TIAM2: variants seen among roughly 807,000 people sequenced by gnomAD.
TIAM2 encodes rho guanine nucleotide exchange factor TIAM2.
A neutral mutation model predicts 152.9 loss-of-function variants in TIAM2; 80 were observed. The ratio of observed to expected loss-of-function variants is 0.52; its 90% CI spans 0.44 to 0.63. The LOEUF is 0.63. TIAM2 is among the 30% of genes least tolerant of loss of function. The pLI is 0.00. For missense variants in TIAM2, 1,965 were observed against 2,120.1 expected (o/e 0.93, Z 1.44); for synonymous variants, 804 against 838.0 (o/e 0.96, Z 0.70).
intron 1 of TIAM2, among the ~76,000 whole-genome samples, chr6:155,003,764 C>T (rs866683521): frequency 2.0e-5 from 3 of 152,198 alleles, no homozygotes; most frequent in African/African-American, 7.2e-5. Flanking sequence ...GCTACCACCG[C>T]AGCTGCCACG....
rs1346130271 is a variant in TIAM2 at position 155,027,966 on chromosome 6, TATATA to T, written c.-209+32480_-209+32484del. On this transcript the variant is annotated intron_variant, in intron 1 of 26. Transcript: ENST00000682666. ...TATGTACTGTGTTACATATATACTA[TATATA>T]ATATATGTACTGTGTTACATATATA... Among the ~76,000 whole-genome samples the T allele has an allele frequency of 4.9e-4, 61 of 125,392 alleles. 1 individual carries two copies. The highest frequency in any genetic ancestry group is 3.9e-3 in the East Asian group (18 of 4,640). The allele number at this position is 125,392 out of a possible 152,430, so 82.3% of individuals were successfully genotyped here. A position where few individuals can be genotyped will look rare whatever the true frequency, so the allele number is the denominator to read the frequency against.
Position 155,248,088 on chromosome 6 carries a change from G to A in TIAM2, c.3741G>A (p.Lys1247=). ...CCACGCTGGAGTCCTACCTCATCAA[G>A]CCGGTTCAGAGAGTGCTCAAGTACC... ...HSSTLESYLI[K]PVQRVLKYPL... The change falls in exon 20 of 27, where the codon AAG becomes AAA. Residue 1247 remains lysine, a synonymous_variant. Transcript: ENST00000682666. 6.2e-7 allele frequency: 1 copy of A among 1,614,228 alleles called. No individual in the cohort carries two copies. The highest frequency in any genetic ancestry group is 8.5e-7 in the Non-Finnish European group (1 of 1,180,048).
chr6:155,253,824 T>A, intron 24 of TIAM2, 149 bp from the exon 25 acceptor site: 1 of 588,594 alleles, frequency 1.7e-6, no homozygotes. Flanking sequence ...ACTGTGAAAA[T>A]CATACATAGA....
At position 155,218,377 on chromosome 6, in the gene TIAM2, G is replaced by A. The variant is rs569800634; in HGVS notation, c.3168+7070G>A. Among the ~76,000 whole-genome samples the A allele has an allele frequency of 7.2e-5, 11 of 152,320 alleles. No individual in the cohort carries two copies. Among genetic ancestry groups the A allele is most frequent in the African/African-American group, 2.6e-4 (11 of 41,574 alleles). ...ATCTGTCACAAAGACCTAATTCCAG[G>A]TAGCCCTTTCTTGGAGGCAGTGGTA... On this transcript the variant is annotated intron_variant, in intron 15 of 26. Coordinates refer to ENST00000682666, the MANE Select transcript of TIAM2 (RefSeq NM_012454.4). This position sits in a 1 kb window ranked among gnomAD's most constrained non-coding sequence, Gnocchi z 4.5.
intron 1 of TIAM2, among the ~76,000 whole-genome samples, chr6:155,035,395 AT>A (rs1395593947): frequency 2.6e-5 from 4 of 151,680 alleles, no homozygotes; most frequent in Admixed American, 6.6e-5. Context: ...TAATTTTTGT[AT>A]TTTTAGTAGA....
intron 1 of TIAM2, among the ~76,000 whole-genome samples, chr6:155,050,754 T>G (rs878927066): frequency 2.0e-5 from 3 of 152,226 alleles, no homozygotes; most frequent in Admixed American, 2.0e-4. Context: ...TAAGCCTTTC[T>G]GCTTTTACAG....
intron 2 of TIAM2, among the ~76,000 whole-genome samples, chr6:155,106,904 A>G (rs534820914): frequency 9.8e-5 from 15 of 152,350 alleles, no homozygotes; most frequent in African/African-American, 3.6e-4. Flanking sequence ...AGTCTGCATC[A>G]TACTGTTCCA....
At chr6:155,141,968 G>A (rs1779717414) in intron 5 of TIAM2, among the ~76,000 whole-genome samples, 1 of 152,118 alleles carries the variant, frequency 6.6e-6, no homozygotes, top group African/African-American at 2.4e-5. Context: ...TAGCAAGAAC[G>A]TCCAGTGTCA....
chr6:155,109,915 G>A (rs1778794531), intron 2 of TIAM2, among the ~76,000 whole-genome samples: 1 of 150,122 alleles, frequency 6.7e-6, no homozygotes, highest in African/African-American at 2.5e-5. Flanking sequence ...GCATACACAT[G>A]TGTGCAAATA....
intron 14 of TIAM2, among the ~76,000 whole-genome samples, chr6:155,189,672 A>G (rs570372368): frequency 6.6e-6 from 1 of 152,200 alleles, no homozygotes; most frequent in African/African-American, 2.4e-5. Flanking sequence ...ATTATTTCAT[A>G]CTCTCAAGAA....
intron 1 of TIAM2, among the ~76,000 whole-genome samples, chr6:155,050,874 A>G (rs188506362): frequency 3.9e-5 from 6 of 152,274 alleles, no homozygotes; most frequent in African/African-American, 7.2e-5. Flanking sequence ...GCCTGGACCT[A>G]TTCCTTAGAG....
chr6:155,029,666 A>C (rs1484036956), intron 1 of TIAM2, among the ~76,000 whole-genome samples: 2 of 123,326 alleles, frequency 1.6e-5, no homozygotes, highest in Non-Finnish European at 1.7e-5. Context: ...GAGTTATATA[A>C]CTATATACAG....
intron 1 of TIAM2, among the ~76,000 whole-genome samples, chr6:155,061,169 G>A (rs1261591607): frequency 1.3e-5 from 2 of 152,128 alleles, no homozygotes; most frequent in Non-Finnish European, 2.9e-5. Context: ...GTTTTTGTAT[G>A]CATACTAATC....
intron 1 of TIAM2, among the ~76,000 whole-genome samples, chr6:155,074,268 C>T (rs1213912574): frequency 6.6e-6 from 1 of 152,096 alleles, no homozygotes; most frequent in Non-Finnish European, 1.5e-5. Flanking sequence ...TAAAATAGTG[C>T]ACCATGACTT....
intron 1 of TIAM2, among the ~76,000 whole-genome samples, chr6:155,062,606 C>T (rs1042089122): frequency 7.4e-5 from 10 of 135,102 alleles, no homozygotes; most frequent in Non-Finnish European, 1.1e-4. Context: ...GAGACGGAGT[C>T]TTGCTCTTGT....
intron 25 of TIAM2, 100 bp downstream of exon 25, chr6:155,254,160 C>G: frequency 7.8e-7 from 1 of 1,281,466 alleles, no homozygotes; most frequent in Non-Finnish European, 1.1e-6. Context: ...TTGATGATAT[C>G]AGGGTCATAC....
rs756989064 is a variant in TIAM2, at chr6:155,183,379, G to A, written c.2943G>A (p.Leu981=). The A allele has an allele frequency of 6.2e-7, 1 of 1,613,724 alleles. No homozygotes were observed. Among genetic ancestry groups the A allele is most frequent in the Non-Finnish European group, 8.5e-7 (1 of 1,179,966 alleles). ...GGCCTCCGGACACAAAAGCAACCCTGTGTACATCCTGGTCAGACAGTGACC... is the reference window on the plus strand; with the variant it reads ...GGCCTCCGGACACAAAAGCAACCCTATGTACATCCTGGTCAGACAGTGACC... The part of the protein sequence containing the change: ...IARPPDTKAT[L]CTSWSDSDLF... The change falls in exon 14 of 27, where the codon CTG becomes CTA. Residue 981 remains leucine, a synonymous_variant. Transcript: ENST00000682666.
chr6:155,256,149 T>C, intron 26 of TIAM2: 1 of 472,702 alleles, frequency 2.1e-6, no homozygotes, highest in Non-Finnish European at 3.7e-6. Context: ...GAAAGGAGCC[T>C]AGATTTATTA....
At chr6:155,178,537 A>T (rs1780814153) in intron 10 of TIAM2, among the ~76,000 whole-genome samples, 1 of 152,062 alleles carries the variant, frequency 6.6e-6, no homozygotes, top group Admixed American at 6.6e-5. Context: ...CTTAAAAATA[A>T]TTGTCCTCCT....
Sources: gnomAD v4.1 joint callset for allele counts (sites outside exome capture counted in the v4.1 genomes callset) on GRCh38, gnomAD v4.1.1 for gene constraint, Gnocchi (gnomAD v3.1) non-coding constraint, MANE v1.5 for transcripts, NCBI Gene and HGNC (gene_info 2026-07-23, HGNC 2026-07-21) for gene names.